The following LDB1 variants were observed in gnomAD, a reference collection of about 807,000 sequenced individuals.
LDB1 encodes the protein LIM domain-binding protein 1.
A neutral mutation model predicts 49.7 loss-of-function variants in LDB1; 6 were observed. The observed-to-expected ratio is 0.12, with a 90% CI of 0.07 to 0.24. LDB1 has a LOEUF of 0.24. LDB1 is among the 10% of genes least tolerant of loss of function. LDB1 has a pLI of 1.00. For synonymous variants in LDB1, 233 were observed against 202.0 expected (o/e 1.15, Z -1.30); for missense variants, 341 against 561.7 (o/e 0.61, Z 3.97).
In LDB1 at chr10:102,109,180, G is replaced by A. The variant is rs1230179707; in HGVS notation, c.857-3C>T. On this transcript the variant is annotated splice_region_variant and splice_polypyrimidine_tract_variant and intron_variant, in intron 9 of 10. Coordinates refer to ENST00000673968, the MANE Select transcript of LDB1 (RefSeq NM_001113407.3). The surrounding 1 kb of genome is among the most constrained non-coding windows in gnomAD (Gnocchi z 5.8). ...GGGCTGCTGACGTGTGGGCTCCGCT[G>A]TGCCGGTAAACGGAGACTCAGATGG... 2 of 1,613,268 alleles carry A rather than the reference G, an allele frequency of 1.2e-6. No homozygotes were observed. Among genetic ancestry groups the A allele is most frequent in the Admixed American group, 3.3e-5 (2 of 59,994 alleles).
upstream of LDB1, chr10:102,120,471 G>T (rs1221939346): frequency 9.6e-6 from 8 of 835,264 alleles, no homozygotes; most frequent in East Asian, 7.4e-4. Context: ...GCTCCCTCGC[G>T]CCGGCGCCGG....
downstream of LDB1, among the ~76,000 whole-genome samples, chr10:102,103,810 T>C (rs1197247647): frequency 6.6e-6 from 1 of 151,814 alleles, no homozygotes; most frequent in Non-Finnish European, 1.5e-5. Context: ...CAAGATTCCA[T>C]CTCTTAAAAA....
At chr10:102,110,768 T>C in intron 5 of LDB1, 67 bp from the exon 6 acceptor site, 1 of 1,583,974 alleles carries the variant, frequency 6.3e-7, no homozygotes, top group East Asian at 2.2e-5. Context: ...ATGCCTCCCC[T>C]ACCAATCTAG....
At chr10:102,104,820 G>A (rs1204473775), downstream of LDB1, among the ~76,000 whole-genome samples, 4 of 152,024 alleles carry the variant, frequency 2.6e-5, no homozygotes, top group East Asian at 1.9e-4. Context: ...CAACACAGTC[G>A]CACTGCTAAG....
At chr10:102,115,443 G>C (rs1047199578) in intron 1 of LDB1, among the ~76,000 whole-genome samples, 2 of 152,166 alleles carry the variant, frequency 1.3e-5, no homozygotes, top group African/African-American at 2.4e-5. Flanking sequence ...GGAGCAGCTG[G>C]GGGGAGAGGC....
chr10:102,114,816 G>T (rs1277753850), intron 1 of LDB1: 8 of 238,836 alleles, frequency 3.3e-5, no homozygotes, highest in African/African-American at 4.3e-5. Flanking sequence ...CGAGCAGCCC[G>T]CCCGCCCTCC....
chr10:102,108,000 A>T lies in LDB1; in HGVS notation c.*93T>A. On this transcript the variant is annotated 3_prime_UTR_variant, in exon 11 of 11. Transcript: ENST00000673968. ...CGGGTGGATGGAGGCTGCCCATTTT[A>T]GATGCTCAGTCTCTTCATTCTGTCT... is the stretch of plus-strand genomic sequence containing the variant. 2.0e-6 allele frequency: 2 copies of T among 1,011,228 alleles called. No homozygotes were observed. Among genetic ancestry groups the T allele is most frequent in the Non-Finnish European group, 3.0e-6 (2 of 658,312 alleles). 62.6% of individuals were successfully genotyped at this position (1,011,228 alleles called of 1,614,324 possible).
In LDB1 at chr10:102,109,842, G is replaced by T; in HGVS notation, c.648+79C>A. The T allele has an allele frequency of 3.2e-6, 5 of 1,580,946 alleles. No homozygotes were observed. The highest frequency in any genetic ancestry group is 4.3e-6 in the Non-Finnish European group (5 of 1,161,126). The stretch of plus-strand genomic sequence containing the variant: ...CCCTAACCCTCTGTCTAAGTAGTCA[G>T]TCGGGAAATGGCAGACCTTGTTCCA... On this transcript the variant is annotated intron_variant, in intron 7 of 10. Coordinates refer to ENST00000673968, the MANE Select transcript of LDB1 (RefSeq NM_001113407.3). This position sits in a 1 kb window ranked among gnomAD's most constrained non-coding sequence, Gnocchi z 5.8.
chr10:102,118,620 A>G (rs1406230490), intron 1 of LDB1, among the ~76,000 whole-genome samples: 1 of 152,226 alleles, frequency 6.6e-6, no homozygotes, highest in Non-Finnish European at 1.5e-5. Flanking sequence ...AGGAACTAAG[A>G]ATCACAATTT....
At chr10:102,114,346 CG>C (rs2068300609) in intron 1 of LDB1, 13 of 986,368 alleles carry the variant, frequency 1.3e-5, no homozygotes, top group Non-Finnish European at 1.6e-5. Flanking sequence ...AGATCAGGCC[CG>C]GGCCGGGCTG....
Position 102,109,609 on chromosome 10 carries a change from G to T in LDB1, c.723C>A (p.Asn241Lys). The change falls in exon 8 of 11, where the codon AAC becomes AAA. Residue 241 changes from asparagine (N) to lysine (K), a missense_variant. Around this residue, in one of 5 missense-constraint regions of LDB1, gnomAD observed 233 missense variants for 385.7 expected, o/e 0.60. Coordinates refer to ENST00000673968, the MANE Select transcript of LDB1 (RefSeq NM_001113407.3). The surrounding 1 kb of genome is among the most constrained non-coding windows in gnomAD (Gnocchi z 5.8). ...TRCGLSNSTL[N>K]YLRLCVILEP... Reference sequence around the variant, plus strand: ...GTGGTCGGAGACTCACTCGGAGGTAGTTGAGAGTGGAATTGGACAGCCCAC... The same window carrying T: ...GTGGTCGGAGACTCACTCGGAGGTATTTGAGAGTGGAATTGGACAGCCCAC... 1 of 1,614,090 alleles carries T rather than the reference G, an allele frequency of 6.2e-7. No individual in the cohort carries two copies. The highest frequency in any genetic ancestry group is 8.5e-7 in the Non-Finnish European group (1 of 1,179,978).
Position 102,107,152 on chromosome 10 carries a change from G to T in LDB1, c.*941C>A, listed in dbSNP as rs1382815258. On this transcript the variant is annotated 3_prime_UTR_variant, in exon 11 of 11. Transcript: ENST00000673968. ...TCCCTTCTCTCCACGCTCCCTAAGG[G>T]AAGGAGCCTCCCCTCCCCGCATCCT... Among the ~76,000 whole-genome samples the T allele has an allele frequency of 6.6e-6, 1 of 152,112 alleles. No homozygotes were observed. Among genetic ancestry groups the T allele is most frequent in the African/African-American group, 2.4e-5 (1 of 41,410 alleles).
At position 102,108,335 on chromosome 10, in the gene LDB1, G is replaced by A. The variant is rs201850884; in HGVS notation, c.1006-12C>T. ...ACCACCATCACATCCTGAGAGTGGC[G>A]GAGGTCCCCAAACATAATCGGGGCA... On this transcript the variant is annotated splice_polypyrimidine_tract_variant and intron_variant, in intron 10 of 10. Transcript: ENST00000673968. The A allele has an allele frequency of 9.5e-5, 152 of 1,607,546 alleles. No homozygotes were observed. Among genetic ancestry groups the A allele is most frequent in the Non-Finnish European group, 1.2e-4 (144 of 1,174,426 alleles).
Position 102,107,833 on chromosome 10 carries a change from C to T in LDB1, c.*260G>A, listed in dbSNP as rs990891271. ...GCCCTGGGGGGTGGTCAGGACATGT[C>T]TCAGAGGCCCAGGTTCCAAGTAGGC... On this transcript the variant is annotated 3_prime_UTR_variant, in exon 11 of 11. Transcript: ENST00000673968. The T allele has an allele frequency of 1.3e-5, 7 of 552,674 alleles. No individual in the cohort carries two copies. Among genetic ancestry groups the T allele is most frequent in the Non-Finnish European group, 2.3e-5 (7 of 308,004 alleles). 34.2% of individuals were successfully genotyped at this position (552,674 alleles called of 1,614,324 possible). A position where few individuals can be genotyped will look rare whatever the true frequency, so the allele number is the denominator to read the frequency against.
chr10:102,104,540 CTCT>C (rs1457754832), downstream of LDB1, among the ~76,000 whole-genome samples: 4 of 152,088 alleles, frequency 2.6e-5, no homozygotes, highest in Admixed American at 2.0e-4. Context: ...CCAGTAATTC[CTCT>C]TCACCAGGGG....
At chr10:102,114,188 G>A (rs1245488779) in intron 1 of LDB1, among the ~76,000 whole-genome samples, 1 of 152,226 alleles carries the variant, frequency 6.6e-6, no homozygotes, top group African/African-American at 2.4e-5. Flanking sequence ...GCTGCATCCC[G>A]GGGCTGAGGG....
Position 102,117,185 on chromosome 10 carries a change from G to A in LDB1, c.25+2901C>T, listed in dbSNP as rs1470265966. On this transcript the variant is annotated intron_variant, in intron 1 of 10. Coordinates refer to ENST00000673968, the MANE Select transcript of LDB1 (RefSeq NM_001113407.3). This position sits in a 1 kb window ranked among gnomAD's most constrained non-coding sequence, Gnocchi z 4.2. The stretch of plus-strand genomic sequence containing the variant: ...GAGCTCAGAACCCCACACCCACCCT[G>A]TCTCCTCAGACAGGAGGGACTACAA... Among the ~76,000 whole-genome samples the A allele has an allele frequency of 6.6e-6, 1 of 152,134 alleles. No individual in the cohort carries two copies. The highest frequency in any genetic ancestry group is 1.5e-5 in the Non-Finnish European group (1 of 68,032).
At position 102,110,555 on chromosome 10, in the gene LDB1, G is replaced by T; in HGVS notation, c.499C>A (p.Gln167Lys). ...LDCDQGSMVT[Q>K]HGKPMFTQVC... ...TGGGTGAACATGGGCTTGCCATGCT[G>T]GGTCACCATGCTGCCCTGGTCACAG... Residue 167 changes from glutamine (Q) to lysine (K), a missense_variant, in exon 6 of 11, where the codon CAG (glutamine) becomes AAG (lysine). Physicochemically the swap from Gln to Lys is moderately conservative, Grantham distance 53. Transcript: ENST00000673968. 1.2e-6 allele frequency: 2 copies of T among 1,613,432 alleles called. No individual in the cohort carries two copies. The highest frequency in any genetic ancestry group is 1.7e-6 in the Non-Finnish European group (2 of 1,179,644).
intron 1 of LDB1, among the ~76,000 whole-genome samples, 157 bp downstream of exon 1, chr10:102,119,929 C>T (rs1403457446): frequency 6.6e-6 from 1 of 151,888 alleles, no homozygotes; most frequent in African/African-American, 2.4e-5. Context: ...TTGGGGAAAA[C>T]GCTACCCGCC....
Sources: gnomAD v4.1 joint callset for allele counts (sites outside exome capture counted in the v4.1 genomes callset) on GRCh38, gnomAD v4.1.1 for gene constraint, gnomAD v4.1.1 regional missense constraint, Gnocchi (gnomAD v3.1) non-coding constraint, MANE v1.5 for transcripts, NCBI Gene and HGNC (gene_info 2026-07-23, HGNC 2026-07-21) for gene names.